COBL: variants seen among roughly 807,000 people sequenced by gnomAD.
COBL encodes the protein protein cordon-bleu.
In COBL, 51 loss-of-function variants were observed where a neutral mutation model predicts 98.8. That is an observed-to-expected ratio of 0.52 (90% confidence interval 0.41 to 0.65). The LOEUF is 0.65. COBL is among the 30% of genes least tolerant of loss of function. The probability of loss-of-function intolerance (pLI) is 0.00; values close to 1 mark genes in which losing one functional copy is unlikely to be tolerated. For synonymous variants in COBL, 634 were observed against 651.7 expected, an observed-to-expected ratio of 0.97 and a Z score of 0.41; for missense variants, 1,617 against 1,617.5, an observed-to-expected ratio of 1.00 and a Z score of 0.01.
chr7:51,083,144 TAGGGCG>T (rs1562886765), intron 7 of COBL: 9 of 1,395,980 alleles, frequency 6.4e-6, no homozygotes, highest in Non-Finnish European at 8.4e-6. Flanking sequence ...GGGAGGAGGG[TAGGGCG>T]GGGGTGGGGG....
chr7:51,172,500 T>C (rs765396861), intron 5 of COBL: 19 of 1,288,034 alleles, frequency 1.5e-5, no homozygotes, highest in Admixed American at 1.4e-4. Context: ...TCCTCATCGC[T>C]GTCTGCACCC....
intron 1 of COBL, chr7:51,260,178 T>A (rs1274929176): frequency 2.3e-6 from 2 of 870,964 alleles, no homozygotes; most frequent in African/African-American, 3.3e-5. Flanking sequence ...CTTTCTAGAG[T>A]TGTAGCTACT....
chr7:51,070,866 G>C (rs1329940606), intron 7 of COBL: 1 of 152,184 alleles, frequency 6.6e-6, no homozygotes, highest in African/African-American at 2.4e-5. Context: ...TTACAAGTAA[G>C]TGATTTTAGA....
rs569460217 is a variant in COBL at position 51,062,223 on chromosome 7, C to G, written c.1097-18531G>C. 2.7e-4 allele frequency among the ~76,000 whole-genome samples: 41 copies of G among 152,238 alleles called. 1 individual carries two copies. The highest frequency in any genetic ancestry group is 3.4e-3 in the Middle Eastern group (1 of 294). ...TAGCTTTCCCAGGATGCAACCCTGA[C>G]AGCAGATACAGTGTGGATGTTTGCT... On this transcript the variant is annotated intron_variant, in intron 7 of 12. Coordinates refer to ENST00000265136, the MANE Select transcript of COBL (RefSeq NM_015198.5).
In COBL at chr7:51,029,149, G is replaced by A; in HGVS notation, c.1947C>T (p.Asp649=). ...HTDNLNAKVK[D]KVYGCADGER... is the part of the protein sequence containing the mutation. ...CCCCGTCAGCACAGCCATACACTTTGTCTTTCACTTTTGCATTTAGGTTGT... is the reference window on the plus strand; with the variant it reads ...CCCCGTCAGCACAGCCATACACTTTATCTTTCACTTTTGCATTTAGGTTGT... The change falls in exon 10 of 13, where the codon GAC becomes GAT. Residue 649 remains aspartate, a synonymous_variant. Transcript: ENST00000265136. 1.2e-6 allele frequency: 2 copies of A among 1,614,158 alleles called. No homozygotes were observed. The highest frequency in any genetic ancestry group is 1.7e-6 in the Non-Finnish European group (2 of 1,180,032).
intron 1 of COBL, among the ~76,000 whole-genome samples, chr7:51,285,428 C>T (rs567523400): frequency 4.2e-4 from 62 of 148,782 alleles, no homozygotes; most frequent in African/African-American, 1.5e-3. Flanking sequence ...GAGTTTAAAG[C>T]AAGCTCATGG....
intron 1 of COBL, among the ~76,000 whole-genome samples, chr7:51,315,970 T>G (rs1563160324): frequency 6.6e-6 from 1 of 152,164 alleles, no homozygotes; most frequent in East Asian, 1.9e-4. Context: ...AGGACGCCCC[T>G]TCCACTGCCA....
In COBL at chr7:51,136,155, T is replaced by C. The variant is rs571797107; in HGVS notation, c.957+3A>G. On this transcript the variant is annotated splice_donor_region_variant and intron_variant, in intron 6 of 12. Coordinates refer to ENST00000265136, the MANE Select transcript of COBL (RefSeq NM_015198.5). Reference sequence around the variant, plus strand: ...TGGTTGTGAGAACAGCCCACTGCCCTACCTTTTCCGATGCCTTGTCTTGCA... The same window carrying C: ...TGGTTGTGAGAACAGCCCACTGCCCCACCTTTTCCGATGCCTTGTCTTGCA... 82 of 1,610,336 alleles carry C rather than the reference T, an allele frequency of 5.1e-5. 2 individuals carry two copies. In the South Asian group the frequency reaches 8.5e-4, roughly 17 times the overall value.
At chr7:51,020,661 G>T (rs1786840248) in intron 12 of COBL, among the ~76,000 whole-genome samples, 5 of 152,026 alleles carry the variant, frequency 3.3e-5, no homozygotes, top group Admixed American at 2.0e-4. Flanking sequence ...CTGAGTGTGG[G>T]GTGGGGGCAG....
rs551768231 is a variant in COBL at position 51,098,224 on chromosome 7, C to CTTTTTTTTTTTTTTTTTTT, written c.958-12921_958-12920insAAAAAAAAAAAAAAAAAAA. ...ACTACCAAAATCCCAATAGCAGTTT[C>CTTTTTTTTTTTTTTTTTTT]TTTTTTTTTTTTGGAGAAATAGGAA... On this transcript the variant is annotated intron_variant, in intron 6 of 12. Transcript: ENST00000265136. Among the ~76,000 whole-genome samples, 947 of 100,650 alleles carry CTTTTTTTTTTTTTTTTTTT rather than the reference C, an allele frequency of 9.4e-3. 209 individuals are homozygous for CTTTTTTTTTTTTTTTTTTT. Among genetic ancestry groups the CTTTTTTTTTTTTTTTTTTT allele is most frequent in the African/African-American group, 0.04 (895 of 22,180 alleles). 66.0% of individuals were successfully genotyped at this position (100,650 alleles called of 152,430 possible).
chr7:51,124,339 G>A (rs973762162), intron 6 of COBL, among the ~76,000 whole-genome samples: 5 of 151,624 alleles, frequency 3.3e-5, no homozygotes, highest in African/African-American at 1.2e-4. Flanking sequence ...AGCAATTGGA[G>A]ATTAGCAATC....
chr7:51,236,589 G>A (rs1421734547), intron 1 of COBL, among the ~76,000 whole-genome samples: 1 of 152,138 alleles, frequency 6.6e-6, no homozygotes, highest in Non-Finnish European at 1.5e-5. Flanking sequence ...AAAGTCCCTG[G>A]CTTGAGCTGA....
chr7:51,199,510 T>G (rs1790921146), intron 2 of COBL, among the ~76,000 whole-genome samples: 1 of 152,038 alleles, frequency 6.6e-6, no homozygotes, highest in Non-Finnish European at 1.5e-5. Flanking sequence ...TGAAAAGGAA[T>G]CCAAAATAGC....
At chr7:51,040,944 G>A (rs1789125620) in intron 8 of COBL, among the ~76,000 whole-genome samples, 1 of 152,266 alleles carries the variant, frequency 6.6e-6, no homozygotes, top group African/African-American at 2.4e-5. Context: ...GCGGGGTGCA[G>A]AGTAACGCAT....
At chr7:51,273,186 G>A (rs973824571) in intron 1 of COBL, among the ~76,000 whole-genome samples, 11 of 151,776 alleles carry the variant, frequency 7.2e-5, no homozygotes, top group South Asian at 2.1e-4. Context: ...AAAATCAGCC[G>A]GGCATGGTGG....
intron 1 of COBL, among the ~76,000 whole-genome samples, chr7:51,232,765 C>T (rs1794880919): frequency 1.3e-5 from 2 of 151,828 alleles, no homozygotes; most frequent in Admixed American, 6.6e-5. Flanking sequence ...GAGCCAAGAT[C>T]GTGCCACTGC....
In COBL at chr7:51,118,687, C is replaced by T. The variant is rs141144182; in HGVS notation, c.957+17471G>A. Among the ~76,000 whole-genome samples, 724 of 152,162 alleles carry T rather than the reference C, an allele frequency of 4.8e-3. 3 individuals carry two copies. Among genetic ancestry groups the T allele is most frequent in the Middle Eastern group, 0.01 (3 of 294 alleles). The stretch of plus-strand genomic sequence containing the variant: ...TCACGAAGACCAAAAGTATGTTTTA[C>T]GCTTCTATAATCTGGGGCCCTTGGA... On this transcript the variant is annotated intron_variant, in intron 6 of 12. Coordinates refer to ENST00000265136, the MANE Select transcript of COBL (RefSeq NM_015198.5).
intron 9 of COBL, among the ~76,000 whole-genome samples, chr7:51,030,537 G>A (rs1041212578): frequency 1.3e-5 from 2 of 152,144 alleles, no homozygotes; most frequent in Admixed American, 1.3e-4. Flanking sequence ...TAACATGTGT[G>A]GCATACTTTT....
chr7:51,230,305 T>A (rs1794626710), intron 1 of COBL, among the ~76,000 whole-genome samples: 2 of 152,208 alleles, frequency 1.3e-5, no homozygotes, highest in Non-Finnish European at 2.9e-5. Flanking sequence ...CCACTGCCTC[T>A]CCTGCCTCTC....
Sources: gnomAD v4.1 joint callset for allele counts (sites outside exome capture counted in the v4.1 genomes callset) on GRCh38, gnomAD v4.1.1 for gene constraint, MANE v1.5 for transcripts, NCBI Gene and HGNC (gene_info 2026-07-23, HGNC 2026-07-21) for gene names.